TWIST1: variants seen among roughly 807,000 people sequenced by gnomAD.
The protein encoded by TWIST1 is twist-related protein 1.
Under a neutral mutation model 12.9 loss-of-function variants are expected in TWIST1, and 8 were observed. The observed-to-expected ratio is 0.62, with a 90% CI of 0.37 to 1.12. TWIST1 has a LOEUF of 1.12. Among genes scored for constraint, TWIST1 ranks in the 50% most tolerant of loss-of-function variants. The pLI is 0.02. For missense variants in TWIST1, 268 were observed against 299.7 expected (o/e 0.89, Z 0.78); for synonymous variants, 169 against 138.7 (o/e 1.22, Z -1.54).
downstream of TWIST1, chr7:19,113,749 T>A (rs1365516599): frequency 6.6e-6 from 1 of 151,990 alleles, no homozygotes; most frequent in Non-Finnish European, 1.5e-5. Context: ...CCAAAGTGTT[T>A]CCCCTTATGA....
chr7:19,117,049 G>A lies in TWIST1; in HGVS notation c.273C>T (p.Gly91=). 3 of 1,420,536 alleles carry A rather than the reference G, an allele frequency of 2.1e-6. No homozygotes were observed. The highest frequency in any genetic ancestry group is 1.8e-6 in the Non-Finnish European group (2 of 1,098,170). The allele number at this position is 1,420,536 out of a possible 1,614,324, so 88.0% of individuals were successfully genotyped here. A position where few individuals can be genotyped will look rare whatever the true frequency, so the allele number is the denominator to read the frequency against. The change falls in exon 1 of 2, where the codon GGC becomes GGT. Residue 91 remains glycine (G), a synonymous_variant. Transcript: ENST00000242261. ...GACTCCCGCCGCCGCTGCTGCTGCC[G>A]CCGCCGCCGCCCGCGCCGCCGCCGC... is the stretch of plus-strand genomic sequence containing the variant. ...CGGGGGAGGG[G]GSSSGGGSPQ... is the part of the protein sequence containing the mutation.
chr7:19,117,309 C>A lies in TWIST1; in HGVS notation c.13G>T (p.Val5Leu). The A allele has an allele frequency of 6.8e-7, 1 of 1,470,726 alleles. No individual in the cohort carries two copies. The allele number at this position is 1,470,726 out of a possible 1,614,324, so 91.1% of individuals were successfully genotyped here. A position where few individuals can be genotyped will look rare whatever the true frequency, so the allele number is the denominator to read the frequency against. Residue 5 changes from valine to leucine, a missense_variant, in exon 1 of 2, where the codon GTG becomes TTG. Val to Leu is a conservative substitution (Grantham distance 32, BLOSUM62 1). Around this residue, in one of 2 missense-constraint regions of TWIST1, gnomAD observed 189 missense variants for 172.1 expected, o/e 1.10. Transcript: ENST00000242261. MMQD[V>L]SSSPVSPADD... ...GCCGGCGAGACTGGCGAGCTGGACA[C>A]GTCCTGCATCATCTCTCGAGCGGCG...
Position 19,117,457 on chromosome 7 carries a change from C to CGGGAGGGACCTCCGCG in TWIST1, c.-152_-137dup. On this transcript the variant is annotated 5_prime_UTR_variant, in exon 1 of 2. Coordinates refer to ENST00000242261, the MANE Select transcript of TWIST1 (RefSeq NM_000474.4). Reference sequence around the variant, plus strand: ...GCGGAGGAGAGAGCAGGAGGACGGACGGGAGGGACCTCCGCGGGGAGGGCG... The same window carrying CGGGAGGGACCTCCGCG: ...GCGGAGGAGAGAGCAGGAGGACGGACGGGAGGGACCTCCGCGGGGAGGGACCTCCGCGGGGAGGGCG... The CGGGAGGGACCTCCGCG allele has an allele frequency of 8.7e-7, 1 of 1,153,560 alleles. No homozygotes were observed. Among genetic ancestry groups the CGGGAGGGACCTCCGCG allele is most frequent in the Non-Finnish European group, 1.1e-6 (1 of 933,944 alleles). The allele number at this position is 1,153,560 out of a possible 1,614,324, so 71.5% of individuals were successfully genotyped here. A position where few individuals can be genotyped will look rare whatever the true frequency, so the allele number is the denominator to read the frequency against.
intron 1 of TWIST1, 126 bp downstream of exon 1, chr7:19,116,545 G>C (rs1788570101): frequency 2.4e-6 from 2 of 825,086 alleles, no homozygotes; most frequent in Admixed American, 2.6e-5. Flanking sequence ...ACGGTGCCAA[G>C]TGAGGTGGGA....
At chr7:19,115,280 C>A (rs1311605357), downstream of TWIST1, among the ~76,000 whole-genome samples, 2 of 152,178 alleles carry the variant, frequency 1.3e-5, no homozygotes, top group African/African-American at 2.4e-5. Context: ...GAATACCAAA[C>A]TGGAATAATA....
At chr7:19,115,044 T>C (rs375477605), downstream of TWIST1, among the ~76,000 whole-genome samples, 5 of 152,178 alleles carry the variant, frequency 3.3e-5, no homozygotes, top group East Asian at 7.7e-4. Flanking sequence ...CATAACACTA[T>C]ATATGTTTTC....
Position 19,117,385 on chromosome 7 carries a change from C to G in TWIST1, c.-64G>C, listed in dbSNP as rs1244732470. 1 of 1,340,480 alleles carries G rather than the reference C, an allele frequency of 7.5e-7. No individual in the cohort carries two copies. Among genetic ancestry groups the G allele is most frequent in the Non-Finnish European group, 9.6e-7 (1 of 1,040,814 alleles). The allele number at this position is 1,340,480 out of a possible 1,614,324, so 83.0% of individuals were successfully genotyped here. On this transcript the variant is annotated 5_prime_UTR_variant, in exon 1 of 2. Transcript: ENST00000242261. ...AGAGGAGAAGAGCGGGGCGCCTCAG[C>G]CCGCCAGCTTCCCCCGCGCGCGGCG...
rs201480496 is a variant in TWIST1, at chr7:19,116,755, G to C, written c.567C>G (p.Val189=). 3 of 1,612,940 alleles carry C rather than the reference G, an allele frequency of 1.9e-6. No individual in the cohort carries two copies. The African/African-American group carries it at 4.0e-5, about 22-fold the overall frequency. ...AHERLSYAFS[V]WRMEGAWSMS... ...TGGACCAGGCCCCCTCCATCCTCCA[G>C]ACCGAGAAGGCGTAGCTGAGCCGCT... The change falls in exon 1 of 2, where the codon GTC becomes GTG. Residue 189 remains valine, a synonymous_variant. Coordinates refer to ENST00000242261, the MANE Select transcript of TWIST1 (RefSeq NM_000474.4).
In TWIST1 at chr7:19,115,818, G is replaced by T. The variant is rs1788552093; in HGVS notation, c.*356C>A. 1.6e-5 allele frequency: 2 copies of T among 128,206 alleles called. No individual in the cohort carries two copies. The highest frequency in any genetic ancestry group is 2.5e-4 in the South Asian group (1 of 4,034). 7.9% of individuals were successfully genotyped at this position (128,206 alleles called of 1,614,324 possible). On this transcript the variant is annotated 3_prime_UTR_variant, in exon 2 of 2. Coordinates refer to ENST00000242261, the MANE Select transcript of TWIST1 (RefSeq NM_000474.4). ...GTGGCTGATTGGCACGACCTCTTGA[G>T]AATGCATGCATGAAAAAAATAAAAA...
chr7:19,116,719 G>A lies in TWIST1; in HGVS notation c.603C>T (p.Ser201=), dbSNP rs576538800. 3 of 1,607,112 alleles carry A rather than the reference G, an allele frequency of 1.9e-6. No individual in the cohort carries two copies. Among genetic ancestry groups the A allele is most frequent in the South Asian group, 1.1e-5 (1 of 89,792 alleles). The part of the protein sequence containing the change: ...RMEGAWSMSA[S]H ...GGGTGGGGGGCTCCGCCTGCTAGTG[G>A]GACGCGGACATGGACCAGGCCCCCT... The change falls in exon 1 of 2, where the codon TCC becomes TCT. Residue 201 remains serine (S), a synonymous_variant. Transcript: ENST00000242261.
At position 19,117,356 on chromosome 7, in the gene TWIST1, G is replaced by T; in HGVS notation, c.-35C>A. On this transcript the variant is annotated 5_prime_UTR_variant, in exon 1 of 2. Coordinates refer to ENST00000242261, the MANE Select transcript of TWIST1 (RefSeq NM_000474.4). Reference sequence around the variant, plus strand: ...GGCGACGCGTGGCCTCGCGGGCCCGGGGCAGAGGAGAAGAGCGGGGCGCCT... The same window carrying T: ...GGCGACGCGTGGCCTCGCGGGCCCGTGGCAGAGGAGAAGAGCGGGGCGCCT... 1 of 1,414,190 alleles carries T rather than the reference G, an allele frequency of 7.1e-7. No homozygotes were observed. Among genetic ancestry groups the T allele is most frequent in the South Asian group, 1.4e-5 (1 of 72,244 alleles). 87.6% of individuals were successfully genotyped at this position (1,414,190 alleles called of 1,614,324 possible).
downstream of TWIST1, chr7:19,114,327 AC>A (rs1416160552): frequency 2.0e-5 from 3 of 152,164 alleles, no homozygotes; most frequent in African/African-American, 7.2e-5. Context: ...GAAAACAAAA[AC>A]CTTCAGGCAA....
chr7:19,116,596 G>C, intron 1 of TWIST1, 75 bp downstream of exon 1: 3 of 1,187,698 alleles, frequency 2.5e-6, no homozygotes, highest in Non-Finnish European at 3.5e-6. Flanking sequence ...AATCGAGGTG[G>C]ACTGGGAACC....
In TWIST1 at chr7:19,117,047, CCGCCGCCGCCGCCCG is replaced by C. The variant is rs760471055; in HGVS notation, c.260_274del (p.Ala87_Gly91del). 151 of 1,398,748 alleles carry C rather than the reference CCGCCGCCGCCGCCCG, an allele frequency of 1.1e-4. 8 individuals are homozygous for C. The African/African-American group carries it at 1.5e-3, about 14-fold the overall frequency. 86.6% of individuals were successfully genotyped at this position (1,398,748 alleles called of 1,614,324 possible). On this transcript the variant is annotated inframe_deletion, in exon 1 of 2. Coordinates refer to ENST00000242261, the MANE Select transcript of TWIST1 (RefSeq NM_000474.4). ...CGGACTCCCGCCGCCGCTGCTGCTG[CCGCCGCCGCCGCCCG>C]CGCCGCCGCCGCCGCCACAGCCCGC...
In TWIST1 at chr7:19,116,716, G is replaced by A; in HGVS notation, c.606C>T (p.His202=). 6.2e-7 allele frequency: 1 copy of A among 1,606,066 alleles called. No individual in the cohort carries two copies. The highest frequency in any genetic ancestry group is 1.1e-5 in the South Asian group (1 of 89,638). Residue 202 remains histidine (H), a synonymous_variant, in exon 1 of 2, where the codon CAC becomes CAT. Transcript: ENST00000242261. ...AGGGGGTGGGGGGCTCCGCCTGCTA[G>A]TGGGACGCGGACATGGACCAGGCCC... ...MEGAWSMSAS[H]
In TWIST1 at chr7:19,115,877, A is replaced by AACAC. The variant is rs987217260; in HGVS notation, c.*296_*297insGTGT. On this transcript the variant is annotated 3_prime_UTR_variant, in exon 2 of 2. Transcript: ENST00000242261. Reference sequence around the variant, plus strand: ...TTCTTCGTCAAAAAAAAAAAAAAAAAAAACACAAACAACTGTTCAGACTTC... The same window carrying AACAC: ...TTCTTCGTCAAAAAAAAAAAAAAAAAACACAAACACAAACAACTGTTCAGACTTC... 3.3e-5 allele frequency: 5 copies of AACAC among 152,190 alleles called. No individual in the cohort carries two copies. Among genetic ancestry groups the AACAC allele is most frequent in the African/African-American group, 1.2e-4 (5 of 41,466 alleles). 9.4% of individuals were successfully genotyped at this position (152,190 alleles called of 1,614,324 possible).
downstream of TWIST1, chr7:19,113,363 A>G (rs747005337): frequency 2.0e-5 from 3 of 152,252 alleles, no homozygotes; most frequent in Non-Finnish European, 4.4e-5. Context: ...CATTAATTGG[A>G]AAGCCTTAGC....
rs930952638 is a variant in TWIST1 at position 19,117,389 on chromosome 7, C to G, written c.-68G>C. The G allele has an allele frequency of 2.2e-5, 29 of 1,316,852 alleles. No individual in the cohort carries two copies. The African/African-American group carries it at 3.6e-4, about 16-fold the overall frequency. The allele number at this position is 1,316,852 out of a possible 1,614,324, so 81.6% of individuals were successfully genotyped here. A position where few individuals can be genotyped will look rare whatever the true frequency, so the allele number is the denominator to read the frequency against. ...GAGAAGAGCGGGGCGCCTCAGCCCG[C>G]CAGCTTCCCCCGCGCGCGGCGCCGG... On this transcript the variant is annotated 5_prime_UTR_variant, in exon 1 of 2. Transcript: ENST00000242261.
chr7:19,114,257 A>T (rs908460931), downstream of TWIST1: 1 of 152,244 alleles, frequency 6.6e-6, no homozygotes, highest in African/African-American at 2.4e-5. Context: ...TATAGTCTGA[A>T]ATATTAACAA....
Sources: gnomAD v4.1 joint callset for allele counts (sites outside exome capture counted in the v4.1 genomes callset) on GRCh38, gnomAD v4.1.1 for gene constraint, gnomAD v4.1.1 regional missense constraint, MANE v1.5 for transcripts, NCBI Gene and HGNC (gene_info 2026-07-23, HGNC 2026-07-21) for gene names.